Variants in TCF4 observed in about 807,000 individuals in gnomAD.
TCF4 encodes the protein SL3-3 enhancer factor 2.
TCF4 carries 3 observed loss-of-function variants against 82.1 expected under a neutral mutation model. That is an observed-to-expected ratio of 0.04 (90% CI 0.02 to 0.09). The LOEUF (loss-of-function observed/expected upper bound fraction) is 0.09. TCF4 is among the 10% of genes least tolerant of loss of function. TCF4 has a pLI of 1.00. For missense variants in TCF4, 518 were observed against 852.7 expected (o/e 0.61, Z 4.89); for synonymous variants, 276 against 309.6 (o/e 0.89, Z 1.14).
chr18:55,236,069 ATGTG>A (rs3040521), intron 15 of TCF4, among the ~76,000 whole-genome samples: 34,274 of 150,810 alleles, frequency 0.23, 4,097 homozygotes, highest in East Asian at 0.32. Context: ...TCATGTGTGC[ATGTG>A]TGTGTGTGTG....
intron 3 of TCF4, among the ~76,000 whole-genome samples, chr18:55,562,602 TG>T (rs1221844874): frequency 6.6e-6 from 1 of 152,212 alleles, no homozygotes; most frequent in Non-Finnish European, 1.5e-5. Flanking sequence ...TTGTACCCTC[TG>T]GCCTTTGGTT....
chr18:55,278,104 T>C (rs1423480856), intron 9 of TCF4, among the ~76,000 whole-genome samples: 1 of 152,152 alleles, frequency 6.6e-6, no homozygotes, highest in African/African-American at 2.4e-5. Flanking sequence ...TAGATTTCCA[T>C]GGAATTTCAC....
intron 6 of TCF4, among the ~76,000 whole-genome samples, chr18:55,364,489 C>T (rs1208600455): frequency 6.6e-6 from 1 of 152,166 alleles, no homozygotes. Flanking sequence ...ATTTCTCATT[C>T]TGGCAAATTC....
chr18:55,585,039 T>G (rs908075732), intron 3 of TCF4, among the ~76,000 whole-genome samples: 2 of 152,204 alleles, frequency 1.3e-5, no homozygotes, highest in Non-Finnish European at 2.9e-5. Context: ...AAAATTGCTC[T>G]TAAATTAAGT....
chr18:55,321,386 C>T, intron 8 of TCF4: 2 of 460,106 alleles, frequency 4.3e-6, no homozygotes, highest in Non-Finnish European at 7.8e-6. Flanking sequence ...CATACCACCT[C>T]TCAACTTTAC....
At chr18:55,343,117 T>A (rs74914300) in intron 8 of TCF4, among the ~76,000 whole-genome samples, 1 of 152,080 alleles carries the variant, frequency 6.6e-6, no homozygotes, top group African/African-American at 2.4e-5. Context: ...TTTTTGTATG[T>A]GTATGTGACG....
chr18:55,338,132 T>C (rs1000504397), intron 8 of TCF4, among the ~76,000 whole-genome samples: 4 of 152,178 alleles, frequency 2.6e-5, no homozygotes, highest in African/African-American at 9.7e-5. Context: ...CCTTAGCCCA[T>C]TCTGATGCCA....
chr18:55,506,617 AT>A (rs896957591), intron 3 of TCF4, among the ~76,000 whole-genome samples: 4 of 152,142 alleles, frequency 2.6e-5, no homozygotes, highest in African/African-American at 9.7e-5. Context: ...GCAAGCATGC[AT>A]TCATTTATTT....
intron 15 of TCF4, 81 bp downstream of exon 15, chr18:55,254,416 A>G: frequency 8.7e-6 from 12 of 1,386,736 alleles, no homozygotes; most frequent in Non-Finnish European, 1.2e-5. Context: ...CTGATTTTTT[A>G]AAAAACAGCA....
chr18:55,450,768 A>G (rs1159969446), intron 5 of TCF4, among the ~76,000 whole-genome samples: 2 of 152,216 alleles, frequency 1.3e-5, no homozygotes, highest in South Asian at 2.1e-4. Context: ...AGGTATTTGT[A>G]AAACTATCTC....
At chr18:55,546,147 G>T (rs141786501) in intron 3 of TCF4, among the ~76,000 whole-genome samples, 2 of 152,136 alleles carry the variant, frequency 1.3e-5, no homozygotes. Flanking sequence ...ACCAGCCTCC[G>T]TAACAAAGTG....
intron 3 of TCF4, among the ~76,000 whole-genome samples, chr18:55,472,617 C>T (rs914469594): frequency 7.9e-5 from 12 of 152,026 alleles, no homozygotes; most frequent in African/African-American, 1.7e-4. Flanking sequence ...TTTGACTTTT[C>T]GAAATGTGAC....
intron 6 of TCF4, among the ~76,000 whole-genome samples, chr18:55,374,050 T>C (rs1462959934): frequency 6.6e-6 from 1 of 152,052 alleles, no homozygotes; most frequent in South Asian, 2.1e-4. Flanking sequence ...AACAGTGTTT[T>C]AAGTAACTCT....
chr18:55,434,258 A>G (rs1191259571), intron 5 of TCF4, among the ~76,000 whole-genome samples: 1 of 152,106 alleles, frequency 6.6e-6, no homozygotes, highest in Non-Finnish European at 1.5e-5. Context: ...ATTCATCTTG[A>G]GTGACAAGCA....
intron 2 of TCF4, among the ~76,000 whole-genome samples, chr18:55,602,200 G>A (rs372817367): frequency 6.6e-6 from 1 of 152,158 alleles, no homozygotes; most frequent in Non-Finnish European, 1.5e-5. Context: ...TTTTATAGTT[G>A]AGGAAACTGA....
chr18:55,459,207 AACT>A (rs1331692987), intron 5 of TCF4, among the ~76,000 whole-genome samples: 5 of 152,158 alleles, frequency 3.3e-5, no homozygotes, highest in Non-Finnish European at 7.3e-5. Context: ...CCTAAACAAC[AACT>A]AAGTGAAAAG....
intron 3 of TCF4, among the ~76,000 whole-genome samples, chr18:55,468,886 C>CT (rs1568136618): frequency 2.4e-5 from 3 of 122,604 alleles, no homozygotes; most frequent in African/African-American, 6.0e-5. Flanking sequence ...TTCTCGCCCC[C>CT]CCCCCCCTTG....
At chr18:55,388,053 T>C (rs1364251001) in intron 6 of TCF4, among the ~76,000 whole-genome samples, 1 of 152,226 alleles carries the variant, frequency 6.6e-6, no homozygotes, top group Non-Finnish European at 1.5e-5. Context: ...GTCTAGGTCC[T>C]TTCTGACTCT....
intron 17 of TCF4, 99 bp downstream of exon 17, chr18:55,232,410 A>G: frequency 3.6e-6 from 5 of 1,408,046 alleles, no homozygotes; most frequent in Non-Finnish European, 5.0e-6. Flanking sequence ...CTGTAAATTT[A>G]CCTGCCAGGA....
Sources: allele counts gnomAD v4.1 joint callset (sites outside exome capture counted in the v4.1 genomes callset), GRCh38; gene constraint gnomAD v4.1.1; transcripts MANE v1.5; gene names NCBI Gene and HGNC (gene_info 2026-07-23, HGNC 2026-07-21).